The following SGPL1 variants were observed in gnomAD, a reference collection of about 807,000 sequenced individuals.
The protein encoded by SGPL1 is sphingosine-1-phosphate lyase 1.
SGPL1 carries 37 observed loss-of-function variants against 68.9 expected under a neutral mutation model. The ratio of observed to expected loss-of-function variants is 0.54; its 90% CI spans 0.41 to 0.71. The LOEUF (loss-of-function observed/expected upper bound fraction) is 0.71, where lower values mean the gene tolerates loss of function less well. Ranked by LOEUF, SGPL1 falls within the 30% of genes least tolerant of loss-of-function variation. The pLI is 0.00. For missense variants in SGPL1, 551 were observed against 704.6 expected, an observed-to-expected ratio of 0.78 and a Z score of 2.47; for synonymous variants, 236 against 248.5, an observed-to-expected ratio of 0.95 and a Z score of 0.47.
intron 2 of SGPL1, among the ~76,000 whole-genome samples, chr10:70,819,390 T>A (rs764983238): frequency 4.3e-4 from 65 of 152,246 alleles, no homozygotes; most frequent in South Asian, 6.2e-4. Flanking sequence ...ATTCCTTGAC[T>A]GTAATGTATA....
chr10:70,844,645 A>ATGCT lies in SGPL1; in HGVS notation c.193+8_193+11dup. ...TTTGTCTTCCAGCCAGAGAGTAAGT[A>ATGCT]TGCTGTCTCCTCTGTAAAGGTATAG... On this transcript the variant is annotated splice_region_variant and intron_variant, in intron 3 of 14. Coordinates refer to ENST00000373202, the MANE Select transcript of SGPL1 (RefSeq NM_003901.4). 6.2e-7 allele frequency: 1 copy of ATGCT among 1,613,158 alleles called. No homozygotes were observed. Among genetic ancestry groups the ATGCT allele is most frequent in the Non-Finnish European group, 8.5e-7 (1 of 1,179,460 alleles).
chr10:70,876,564 T>A lies in SGPL1; in HGVS notation c.1469T>A (p.Leu490Gln), dbSNP rs990893468. The A allele has an allele frequency of 3.7e-6, 6 of 1,612,956 alleles. No homozygotes were observed. Among genetic ancestry groups the A allele is most frequent in the African/African-American group, 1.3e-5 (1 of 74,894 alleles). Residue 490 changes from leucine to glutamine, a missense_variant, in exon 14 of 15, where the codon CTA becomes CAA. Leu to Gln is a moderately radical substitution (Grantham distance 113). Coordinates refer to ENST00000373202, the MANE Select transcript of SGPL1 (RefSeq NM_003901.4). ...PPSIHFCITL[L>Q]HARKRVAIQF... Reference sequence around the variant, plus strand: ...AGTATTCATTTCTGCATCACATTACTACACGCCCGGAAACGAGTAGCTATA... The same window carrying A: ...AGTATTCATTTCTGCATCACATTACAACACGCCCGGAAACGAGTAGCTATA...
intron 2 of SGPL1, among the ~76,000 whole-genome samples, chr10:70,835,034 G>A (rs1196207308): frequency 6.6e-6 from 1 of 152,148 alleles, no homozygotes; most frequent in Non-Finnish European, 1.5e-5. Context: ...CTCCTCTGCA[G>A]ATTCAACCCA....
intron 13 of SGPL1, among the ~76,000 whole-genome samples, chr10:70,876,326 T>G (rs1004175271): frequency 6.6e-6 from 1 of 152,118 alleles, no homozygotes; most frequent in African/African-American, 2.4e-5. Context: ...TTAGCATGGT[T>G]CTCAGTCATG....
intron 4 of SGPL1, among the ~76,000 whole-genome samples, chr10:70,852,649 C>T (rs1278975947): frequency 6.6e-6 from 1 of 152,188 alleles, no homozygotes; most frequent in Non-Finnish European, 1.5e-5. Context: ...TATCCAATCA[C>T]TCTCCATTTT....
chr10:70,877,682 G>A lies in SGPL1; in HGVS notation c.*347G>A, dbSNP rs1202259905. 4.7e-6 allele frequency: 1 copy of A among 211,070 alleles called. No individual in the cohort carries two copies. The highest frequency in any genetic ancestry group is 2.2e-5 in the African/African-American group (1 of 44,680). 13.1% of individuals were successfully genotyped at this position (211,070 alleles called of 1,614,324 possible). The stretch of plus-strand genomic sequence containing the variant: ...CTGTCCTGATTCTTTAGAGAAGCTG[G>A]GGTACAGTTTATGAGATAGCTAGAG... On this transcript the variant is annotated 3_prime_UTR_variant, in exon 15 of 15. Transcript: ENST00000373202.
chr10:70,845,231 C>T (rs1845773771), intron 3 of SGPL1, among the ~76,000 whole-genome samples: 1 of 152,034 alleles, frequency 6.6e-6, no homozygotes, highest in South Asian at 2.1e-4. Context: ...TGGTTTAAAC[C>T]TTTGGTACCA....
At chr10:70,846,569 A>G (rs560068915) in intron 3 of SGPL1, among the ~76,000 whole-genome samples, 1 of 152,322 alleles carries the variant, frequency 6.6e-6, no homozygotes, top group Non-Finnish European at 1.5e-5. Flanking sequence ...CTCCATTTTA[A>G]TAAACATCAA....
At chr10:70,841,356 C>T (rs545846402) in intron 2 of SGPL1, among the ~76,000 whole-genome samples, 1 of 152,258 alleles carries the variant, frequency 6.6e-6, no homozygotes, top group African/African-American at 2.4e-5. Context: ...TAACAAAATG[C>T]CATAAACGTG....
intron 14 of SGPL1, 77 bp downstream of exon 14, chr10:70,876,738 C>A: frequency 7.5e-7 from 1 of 1,336,870 alleles, no homozygotes; most frequent in Non-Finnish European, 1.0e-6. Flanking sequence ...TCATATGACC[C>A]GGAGTCTGTT....
At chr10:70,826,469 G>A (rs921783018) in intron 2 of SGPL1, among the ~76,000 whole-genome samples, 5 of 152,114 alleles carry the variant, frequency 3.3e-5, no homozygotes, top group African/African-American at 1.2e-4. Flanking sequence ...AAGAGGAAAC[G>A]GAAAAAGAAG....
At chr10:70,871,011 A>G (rs757841187) in intron 9 of SGPL1, 37 bp from the exon 10 acceptor site, 3 of 1,559,144 alleles carry the variant, frequency 1.9e-6, no homozygotes, top group South Asian at 2.2e-5. Flanking sequence ...TAATTGTGAC[A>G]TAGATTCTCA....
chr10:70,816,419 C>T (rs1845229161), intron 1 of SGPL1, among the ~76,000 whole-genome samples: 1 of 152,064 alleles, frequency 6.6e-6, no homozygotes, highest in South Asian at 2.1e-4. Context: ...GGGGTGACAA[C>T]GAGAGCGAGG....
chr10:70,831,068 G>A (rs10823627), intron 2 of SGPL1, among the ~76,000 whole-genome samples: 52,312 of 151,970 alleles, frequency 0.34, 9,342 homozygotes, highest in South Asian at 0.5. Context: ...TGCATATTTA[G>A]GGATCTAGAT....
intron 9 of SGPL1, among the ~76,000 whole-genome samples, chr10:70,870,507 CAAA>C (rs35049583): frequency 1.5e-4 from 22 of 143,064 alleles, no homozygotes; most frequent in East Asian, 2.0e-4. Flanking sequence ...GACCCTGTCT[CAAA>C]AAAAAAAAAA....
At chr10:70,839,746 C>T (rs766445458) in intron 2 of SGPL1, among the ~76,000 whole-genome samples, 3 of 151,966 alleles carry the variant, frequency 2.0e-5, no homozygotes, top group Non-Finnish European at 4.4e-5. Flanking sequence ...AGTAAAAAGA[C>T]ATAGTGGGAA....
chr10:70,872,373 A>G (rs1036884736), intron 11 of SGPL1, among the ~76,000 whole-genome samples: 1 of 152,196 alleles, frequency 6.6e-6, no homozygotes, highest in African/African-American at 2.4e-5. Flanking sequence ...GGTAGATAAC[A>G]TTAGAGCTGC....
intron 7 of SGPL1, among the ~76,000 whole-genome samples, chr10:70,862,618 G>A (rs1589468922): frequency 6.6e-6 from 1 of 152,084 alleles, no homozygotes. Context: ...CACCACGAAG[G>A]TCTGCAGCTT....
At chr10:70,860,350 C>A (rs1312914494) in intron 7 of SGPL1, 3 of 462,446 alleles carry the variant, frequency 6.5e-6, no homozygotes, top group Non-Finnish European at 1.3e-5. Flanking sequence ...ATTGAAGGGC[C>A]CATTCGAAGA....
Sources: gnomAD v4.1 joint callset for allele counts (sites outside exome capture counted in the v4.1 genomes callset) on GRCh38, gnomAD v4.1.1 for gene constraint, MANE v1.5 for transcripts, NCBI Gene and HGNC (gene_info 2026-07-23, HGNC 2026-07-21) for gene names.